NMNAT2: variants seen among roughly 807,000 people sequenced by gnomAD.
NMNAT2 encodes nicotinamide/nicotinic acid mononucleotide adenylyltransferase 2.
NMNAT2 carries 11 observed loss-of-function variants against 41.6 expected under a neutral mutation model. The observed-to-expected ratio is 0.26, with a 90% CI of 0.17 to 0.44. NMNAT2 has a LOEUF of 0.44. Ranked by LOEUF, NMNAT2 falls within the 20% of genes least tolerant of loss-of-function variation. NMNAT2 has a pLI of 1.00. For synonymous variants in NMNAT2, 148 were observed against 151.2 expected (o/e 0.98, Z 0.16); for missense variants, 288 against 407.7 (o/e 0.71, Z 2.53).
chr1:183,402,371 C>G (rs1648835513), intron 1 of NMNAT2, among the ~76,000 whole-genome samples: 1 of 152,184 alleles, frequency 6.6e-6, no homozygotes, highest in African/African-American at 2.4e-5. Context: ...ATAAGACCAT[C>G]TTGACTAATC....
At chr1:183,405,603 G>A (rs1400993396) in intron 1 of NMNAT2, among the ~76,000 whole-genome samples, 1 of 152,216 alleles carries the variant, frequency 6.6e-6, no homozygotes, top group African/African-American at 2.4e-5. Flanking sequence ...ATGGCCATGA[G>A]GGAGGAGCTA....
intron 1 of NMNAT2, among the ~76,000 whole-genome samples, chr1:183,353,664 A>C (rs1249557831): frequency 6.6e-6 from 1 of 152,200 alleles, no homozygotes; most frequent in Non-Finnish European, 1.5e-5. Flanking sequence ...AATCTCAGAC[A>C]TGAAATTGAA....
chr1:183,252,885 T>G, intron 10 of NMNAT2, 142 bp from the exon 11 acceptor site: 1 of 615,772 alleles, frequency 1.6e-6, no homozygotes, highest in Admixed American at 2.7e-5. Context: ...AAAGGCCCTC[T>G]TGCCTCCACA....
intron 1 of NMNAT2, among the ~76,000 whole-genome samples, chr1:183,357,198 A>G (rs1663211489): frequency 6.8e-6 from 1 of 146,850 alleles, no homozygotes; most frequent in Admixed American, 6.8e-5. Context: ...TTAGTGGCTC[A>G]GGGAAGAGAG....
intron 1 of NMNAT2, among the ~76,000 whole-genome samples, chr1:183,401,431 A>C (rs1648804924): frequency 6.6e-6 from 1 of 152,190 alleles, no homozygotes. Context: ...GCTGGAGAGG[A>C]TGTGGAGAAA....
intron 8 of NMNAT2, among the ~76,000 whole-genome samples, chr1:183,265,494 T>C (rs1413479850): frequency 6.6e-6 from 1 of 152,086 alleles, no homozygotes; most frequent in Non-Finnish European, 1.5e-5. Context: ...CTCAAACTCC[T>C]GACCTCATGA....
chr1:183,418,256 G>T lies in NMNAT2; in HGVS notation c.12C>A (p.Thr4=). MTE[T]TKTHVILLAC... ...CGAGCAAGATAACGTGGGTCTTGGT[G>T]GTCTCGGTCATGGTGCAGATGGGTC... The change falls in exon 1 of 11, where the codon ACC becomes ACA. Residue 4 remains threonine (T), a synonymous_variant. Transcript: ENST00000287713. 6.2e-7 allele frequency: 1 copy of T among 1,614,134 alleles called. No individual in the cohort carries two copies. Among genetic ancestry groups the T allele is most frequent in the Admixed American group, 1.7e-5 (1 of 60,020 alleles).
At chr1:183,275,471 A>G (rs1661098953) in intron 8 of NMNAT2, among the ~76,000 whole-genome samples, 1 of 151,732 alleles carries the variant, frequency 6.6e-6, no homozygotes, top group Non-Finnish European at 1.5e-5. Context: ...CTCTGAAGCA[A>G]GCTTGGGAGT....
intron 1 of NMNAT2, among the ~76,000 whole-genome samples, chr1:183,405,877 T>A (rs138674817): frequency 6.6e-6 from 1 of 152,348 alleles, no homozygotes; most frequent in African/African-American, 2.4e-5. Context: ...TTATTCCCAG[T>A]GTGTGGTTGA....
Position 183,366,142 on chromosome 1 carries a change from T to C in NMNAT2, c.85+52041A>G, listed in dbSNP as rs186346006. Among the ~76,000 whole-genome samples, 60 of 152,352 alleles carry C rather than the reference T, an allele frequency of 3.9e-4. 2 individuals carry two copies. The East Asian group carries it at 0.011, about 27-fold the overall frequency. ...AATGGCTCCCAATCTACTAACTACA[T>C]GCATGGCAGAAATTATCATTGTATG... On this transcript the variant is annotated intron_variant, in intron 1 of 10. Coordinates refer to ENST00000287713, the MANE Select transcript of NMNAT2 (RefSeq NM_015039.4).
rs200019685 is a variant in NMNAT2, at chr1:183,252,268, T to C, written c.*373A>G. On this transcript the variant is annotated 3_prime_UTR_variant, in exon 11 of 11. Coordinates refer to ENST00000287713, the MANE Select transcript of NMNAT2 (RefSeq NM_015039.4). ...GGAGGAGGGGCACCAGAGCCGCCTC[T>C]CTAGAGCATGCTGGGAGGATGGGCA... is the stretch of plus-strand genomic sequence containing the variant. 10 of 216,704 alleles carry C rather than the reference T, an allele frequency of 4.6e-5. No individual in the cohort carries two copies. The South Asian group carries it at 6.8e-4, about 15-fold the overall frequency. 13.4% of individuals were successfully genotyped at this position (216,704 alleles called of 1,614,324 possible). A position where few individuals can be genotyped will look rare whatever the true frequency, so the allele number is the denominator to read the frequency against.
chr1:183,363,918 C>A (rs1413241865), intron 1 of NMNAT2, among the ~76,000 whole-genome samples: 3 of 152,192 alleles, frequency 2.0e-5, no homozygotes, highest in Non-Finnish European at 4.4e-5. Flanking sequence ...TGTTTAATTT[C>A]CTGATGGGCA....
intron 1 of NMNAT2, among the ~76,000 whole-genome samples, chr1:183,299,175 C>A (rs943175739): frequency 2.0e-5 from 3 of 152,036 alleles, no homozygotes; most frequent in Admixed American, 2.0e-4. Context: ...AGTTCGAGAC[C>A]AGCCTGGCCA....
chr1:183,260,903 G>T, intron 10 of NMNAT2, 99 bp downstream of exon 10: 4 of 875,754 alleles, frequency 4.6e-6, no homozygotes, highest in Non-Finnish European at 5.8e-6. Context: ...GGCAGCAGAT[G>T]TCTGCCTGAA....
chr1:183,404,356 C>T (rs374167947), intron 1 of NMNAT2, among the ~76,000 whole-genome samples: 1 of 152,204 alleles, frequency 6.6e-6, no homozygotes, highest in Non-Finnish European at 1.5e-5. Context: ...TCCCAAAGTG[C>T]TGGGATTACA....
intron 1 of NMNAT2, among the ~76,000 whole-genome samples, chr1:183,327,322 C>A (rs2102335865): frequency 6.6e-6 from 1 of 152,280 alleles, no homozygotes; most frequent in East Asian, 1.9e-4. Context: ...TTCCAAAGTG[C>A]TGGGATTACA....
intron 1 of NMNAT2, among the ~76,000 whole-genome samples, chr1:183,363,729 A>T (rs1663356931): frequency 6.6e-6 from 1 of 152,182 alleles, no homozygotes; most frequent in South Asian, 2.1e-4. Context: ...CAGCACCAGT[A>T]CTCTGTAAAA....
intron 1 of NMNAT2, among the ~76,000 whole-genome samples, chr1:183,353,881 A>G (rs891315917): frequency 7.9e-5 from 12 of 151,960 alleles, no homozygotes; most frequent in Non-Finnish European, 1.8e-4. Context: ...GGCCCCAGTG[A>G]GATACCTGGG....
chr1:183,339,389 G>A (rs1662747642), intron 1 of NMNAT2, among the ~76,000 whole-genome samples: 1 of 152,118 alleles, frequency 6.6e-6, no homozygotes, highest in African/African-American at 2.4e-5. Flanking sequence ...GAGCCATGGC[G>A]CCTGGCTGAG....
Sources: gnomAD v4.1 joint callset for allele counts (sites outside exome capture counted in the v4.1 genomes callset) on GRCh38, gnomAD v4.1.1 for gene constraint, MANE v1.5 for transcripts, NCBI Gene and HGNC (gene_info 2026-07-23, HGNC 2026-07-21) for gene names.